TCEA1: variants seen among roughly 807,000 people sequenced by gnomAD.
TCEA1 encodes transcription elongation factor A1, also known as transcription elongation factor A protein 1.
TCEA1 carries 21 observed loss-of-function variants against 43.8 expected under a neutral mutation model. The ratio of observed to expected loss-of-function variants is 0.48; its 90% confidence interval spans 0.34 to 0.69. The LOEUF (loss-of-function observed/expected upper bound fraction) is 0.69. Ranked by LOEUF, TCEA1 falls within the 30% of genes least tolerant of loss-of-function variation. The pLI is 0.01. For missense variants in TCEA1, 250 were observed against 365.1 expected (o/e 0.68, Z 2.57); for synonymous variants, 104 against 117.5 (o/e 0.88, Z 0.75).
At chr8:54,008,661 TAAA>T (rs60281426) in intron 2 of TCEA1, among the ~76,000 whole-genome samples, 3 of 132,392 alleles carry the variant, frequency 2.3e-5, no homozygotes, top group Admixed American at 7.6e-5. Flanking sequence ...GACCTTATCT[TAAA>T]AAAAAAAAAA....
Position 54,022,216 on chromosome 8 carries a change from G to A in TCEA1, c.-91C>T. On this transcript the variant is annotated 5_prime_UTR_variant, in exon 1 of 10. Transcript: ENST00000521604. The stretch of plus-strand genomic sequence containing the variant: ...AGACACAGCAGGAGCGACCCCCGGC[G>A]CGCAGCAACCCCCACCACCGCAGGC... 7.1e-7 allele frequency: 1 copy of A among 1,412,038 alleles called. No homozygotes were observed. The highest frequency in any genetic ancestry group is 9.9e-7 in the Non-Finnish European group (1 of 1,010,620). 87.5% of individuals were successfully genotyped at this position (1,412,038 alleles called of 1,614,324 possible).
intron 9 of TCEA1, among the ~76,000 whole-genome samples, chr8:53,968,691 A>C (rs964350412): frequency 1.3e-5 from 2 of 152,020 alleles, no homozygotes; most frequent in African/African-American, 4.8e-5. Flanking sequence ...AAATACAAAA[A>C]ATTAGCCAGG....
chr8:54,007,158 A>C (rs1295905035), intron 2 of TCEA1, among the ~76,000 whole-genome samples: 1 of 151,956 alleles, frequency 6.6e-6, no homozygotes, highest in Admixed American at 6.6e-5. Context: ...GGAGTTCTTA[A>C]CCCTTTTTTT....
At chr8:53,978,972 A>T in intron 8 of TCEA1, 53 bp downstream of exon 8, 1 of 1,532,508 alleles carries the variant, frequency 6.5e-7, no homozygotes, top group Non-Finnish European at 8.8e-7. Context: ...ATTTTAAAAC[A>T]GGAGTTGCAA....
intron 8 of TCEA1, chr8:53,973,226 G>A: frequency 2.1e-6 from 1 of 468,072 alleles, no homozygotes; most frequent in Non-Finnish European, 4.0e-6. Flanking sequence ...GGTTATTCAA[G>A]AAAAAGAAAA....
chr8:54,021,975 G>GGGGAGGGAGA (rs1377433256), intron 1 of TCEA1, 88 bp downstream of exon 1: 1 of 1,272,818 alleles, frequency 7.9e-7, no homozygotes, highest in African/African-American at 1.6e-5. Flanking sequence ...TGCAGGGGGA[G>GGGGAGGGAGA]GGGAGGGAGA....
rs560165873 is a variant in TCEA1, at chr8:53,995,077, G to A, written c.233-1322C>T. 3.3e-5 allele frequency among the ~76,000 whole-genome samples: 5 copies of A among 152,158 alleles called. No individual in the cohort carries two copies. In the South Asian group the frequency reaches 1.0e-3, roughly 32 times the overall value. On this transcript the variant is annotated intron_variant, in intron 3 of 9. Coordinates refer to ENST00000521604, the MANE Select transcript of TCEA1 (RefSeq NM_006756.4). Reference sequence around the variant, plus strand: ...ACACTTTGGGAGGCTGAGGCAGGTGGATCACTTGAGGTCAGGAGTTCAAGA... The same window carrying A: ...ACACTTTGGGAGGCTGAGGCAGGTGAATCACTTGAGGTCAGGAGTTCAAGA...
chr8:53,966,734 T>TTA lies in TCEA1; in HGVS notation c.*1368_*1369dup, dbSNP rs1802998097. The TTA allele has an allele frequency of 5.0e-6, 1 of 200,196 alleles. No individual in the cohort carries two copies. The highest frequency in any genetic ancestry group is 1.0e-5 in the Non-Finnish European group (1 of 97,350). 12.4% of individuals were successfully genotyped at this position (200,196 alleles called of 1,614,324 possible). On this transcript the variant is annotated 3_prime_UTR_variant, in exon 10 of 10. Coordinates refer to ENST00000521604, the MANE Select transcript of TCEA1 (RefSeq NM_006756.4). ...TGAGTTGGTACCAGTGGGCCAATTC[T>TTA]TAACACGGACATTTAAAAATGCTGC...
At chr8:54,002,730 C>A (rs983071667) in intron 2 of TCEA1, among the ~76,000 whole-genome samples, 7 of 152,176 alleles carry the variant, frequency 4.6e-5, no homozygotes, top group Non-Finnish European at 1.0e-4. Context: ...ATTCTGTGCT[C>A]AAGTGACCTT....
intron 8 of TCEA1, chr8:53,972,420 G>C: frequency 1.8e-6 from 1 of 545,242 alleles, no homozygotes; most frequent in East Asian, 5.3e-5. Flanking sequence ...TGATATGGCA[G>C]ATTTGTTTCC....
chr8:54,021,714 C>G (rs1329759243), intron 1 of TCEA1: 1 of 206,666 alleles, frequency 4.8e-6, no homozygotes, highest in African/African-American at 2.3e-5. Flanking sequence ...CTTTCAAGTT[C>G]TGAGGACTTT....
At chr8:53,990,495 G>A (rs1311221509) in intron 4 of TCEA1, among the ~76,000 whole-genome samples, 1 of 151,632 alleles carries the variant, frequency 6.6e-6, no homozygotes, top group Non-Finnish European at 1.5e-5. Context: ...CCAAGTAGCT[G>A]GGACCACAGG....
chr8:54,022,097 T>C lies in TCEA1; in HGVS notation c.29A>G (p.Lys10Arg), dbSNP rs1805060983. ...CTTCTGCACCATCTTGTCCATCTTC[T>C]TGGCAAAGCGGACCACTTCGTCCTC... MEDEVVRFA[K>R]KMDKMVQKKN... Residue 10 changes from lysine to arginine, a missense_variant, in exon 1 of 10, where the codon AAG becomes AGG. By Grantham distance (26) the Lys-to-Arg change is conservative (BLOSUM62 2). Around this residue, in one of 4 missense-constraint regions of TCEA1, gnomAD observed 30 missense variants for 31.8 expected, o/e 0.94. Coordinates refer to ENST00000521604, the MANE Select transcript of TCEA1 (RefSeq NM_006756.4). 2 of 1,583,322 alleles carry C rather than the reference T, an allele frequency of 1.3e-6. No homozygotes were observed. Among genetic ancestry groups the C allele is most frequent in the Non-Finnish European group, 8.6e-7 (1 of 1,162,374 alleles).
intron 2 of TCEA1, among the ~76,000 whole-genome samples, chr8:54,005,118 T>G (rs768195069): frequency 3.9e-5 from 6 of 152,236 alleles, no homozygotes; most frequent in Non-Finnish European, 8.8e-5. Context: ...ATCAGTCTGT[T>G]ATATCCCAAC....
chr8:54,010,637 G>A, intron 1 of TCEA1, 145 bp from the exon 2 acceptor site: 2 of 572,920 alleles, frequency 3.5e-6, no homozygotes, highest in South Asian at 5.0e-5. Flanking sequence ...ATAGCTTACA[G>A]CCAAATATTA....
chr8:54,019,294 G>A (rs1047483477), intron 1 of TCEA1, among the ~76,000 whole-genome samples: 11 of 152,034 alleles, frequency 7.2e-5, no homozygotes, highest in Non-Finnish European at 1.3e-4. Context: ...TTCAGGCTGG[G>A]CGCAGTGGCT....
chr8:54,015,670 C>T (rs560148906), intron 1 of TCEA1, among the ~76,000 whole-genome samples: 1 of 152,188 alleles, frequency 6.6e-6, no homozygotes, highest in East Asian at 1.9e-4. Flanking sequence ...AGGCCACAAC[C>T]AAGAGCAGAC....
chr8:54,020,959 G>A (rs1052094440), intron 1 of TCEA1, among the ~76,000 whole-genome samples: 1 of 152,070 alleles, frequency 6.6e-6, no homozygotes, highest in Non-Finnish European at 1.5e-5. Context: ...AGGCTGAGGT[G>A]GGCGGATCAC....
chr8:54,000,816 T>TG (rs1804232059), intron 2 of TCEA1, among the ~76,000 whole-genome samples: 1 of 148,732 alleles, frequency 6.7e-6, no homozygotes, highest in South Asian at 2.1e-4. Context: ...TGGAGTGCAG[T>TG]GGGGCACGAT....
Sources: allele counts gnomAD v4.1 joint callset (sites outside exome capture counted in the v4.1 genomes callset), GRCh38; gene constraint gnomAD v4.1.1; regional missense constraint gnomAD v4.1.1; transcripts MANE v1.5; gene names NCBI Gene and HGNC (gene_info 2026-07-23, HGNC 2026-07-21).